Variants in ALK observed in about 807,000 individuals in gnomAD.
ALK encodes ALK tyrosine kinase receptor.
ALK carries 74 observed loss-of-function variants against 163.1 expected under a neutral mutation model. That is an observed-to-expected ratio of 0.45 (90% CI 0.38 to 0.55). The LOEUF (loss-of-function observed/expected upper bound fraction) is 0.55. Among genes scored for constraint, ALK ranks in the 20% least tolerant of loss-of-function variants. The pLI, the probability that ALK is intolerant of heterozygous loss-of-function variation, is 0.00. For synonymous variants in ALK, 960 were observed against 843.2 expected, an observed-to-expected ratio of 1.14 and a Z score of -2.40; for missense variants, 2,063 against 2,105.3, an observed-to-expected ratio of 0.98 and a Z score of 0.39.
chr2:29,534,798 A>G (rs1236673026), intron 3 of ALK, among the ~76,000 whole-genome samples: 1 of 152,052 alleles, frequency 6.6e-6, no homozygotes, highest in Non-Finnish European at 1.5e-5. Flanking sequence ...CATGCATGTA[A>G]ATTCTGTCCC....
intron 1 of ALK, among the ~76,000 whole-genome samples, chr2:29,812,521 T>A (rs1664783162): frequency 6.6e-6 from 1 of 152,180 alleles, no homozygotes; most frequent in Admixed American, 6.5e-5. Flanking sequence ...CCACTCACCC[T>A]AAGAATTTAC....
chr2:29,207,423 A>G, intron 25 of ALK, 151 bp from the exon 26 acceptor site: 1 of 699,982 alleles, frequency 1.4e-6, no homozygotes, highest in Non-Finnish European at 2.6e-6. Flanking sequence ...GGAGGAGAGC[A>G]GGGGCACACA....
chr2:29,432,755 A>T lies in ALK; in HGVS notation c.1155-48896T>A, dbSNP rs1250387718. On this transcript the variant is annotated intron_variant, in intron 4 of 28. Coordinates refer to ENST00000389048, the MANE Select transcript of ALK (RefSeq NM_004304.5). ...CCTTTTCCTTTTTTTTTTTTTTTTT[A>T]AACCGATGGATCCATTGCGCATCAA... 6.0e-5 allele frequency among the ~76,000 whole-genome samples: 8 copies of T among 133,282 alleles called. 1 individual carries two copies. Among genetic ancestry groups the T allele is most frequent in the Admixed American group, 3.7e-4 (5 of 13,518 alleles). 87.4% of individuals were successfully genotyped at this position (133,282 alleles called of 152,430 possible).
chr2:29,851,754 C>T (rs540885213), intron 1 of ALK, among the ~76,000 whole-genome samples: 8 of 152,330 alleles, frequency 5.3e-5, no homozygotes, highest in Middle Eastern at 3.4e-3. Context: ...AGGGGCCTGG[C>T]GGAATACATG....
chr2:29,343,381 A>AG (rs1271360829), intron 5 of ALK, among the ~76,000 whole-genome samples: 3 of 150,326 alleles, frequency 2.0e-5, no homozygotes, highest in Non-Finnish European at 3.0e-5. Context: ...GCTAAGTAAA[A>AG]AAAAAAAAAA....
intron 1 of ALK, among the ~76,000 whole-genome samples, chr2:29,833,709 G>C (rs1439768867): frequency 6.6e-6 from 1 of 152,216 alleles, no homozygotes; most frequent in Non-Finnish European, 1.5e-5. Flanking sequence ...CACAGATGTA[G>C]AATTTACTCA....
At chr2:29,285,282 G>A (rs1665823567) in intron 9 of ALK, among the ~76,000 whole-genome samples, 1 of 151,988 alleles carries the variant, frequency 6.6e-6, no homozygotes, top group Non-Finnish European at 1.5e-5. Flanking sequence ...TTGAGACAGA[G>A]TCTAGCTCTG....
At chr2:29,410,049 G>A (rs1468717889) in intron 4 of ALK, among the ~76,000 whole-genome samples, 5 of 152,084 alleles carry the variant, frequency 3.3e-5, no homozygotes, top group Admixed American at 3.3e-4. Context: ...ACCCTTAGAA[G>A]GTTCAGTCAC....
chr2:29,856,509 T>G (rs1167267051), intron 1 of ALK, among the ~76,000 whole-genome samples: 1 of 152,240 alleles, frequency 6.6e-6, no homozygotes, highest in Non-Finnish European at 1.5e-5. Flanking sequence ...AAAATAAGTC[T>G]GAGGCTGAGT....
intron 1 of ALK, among the ~76,000 whole-genome samples, chr2:29,746,543 G>GT (rs1680211931): frequency 6.6e-6 from 1 of 152,204 alleles, no homozygotes; most frequent in Non-Finnish European, 1.5e-5. Flanking sequence ...TAAGTTCTCA[G>GT]TTTTCTACCC....
intron 4 of ALK, among the ~76,000 whole-genome samples, chr2:29,528,588 T>A (rs536309775): frequency 2.8e-4 from 43 of 152,266 alleles, no homozygotes; most frequent in Non-Finnish European, 1.5e-4. Context: ...GACCTTGTTG[T>A]CTTTGGCTGT....
At chr2:29,287,894 C>G (rs941189613) in intron 9 of ALK, among the ~76,000 whole-genome samples, 1 of 152,068 alleles carries the variant, frequency 6.6e-6, no homozygotes, top group South Asian at 2.1e-4. Flanking sequence ...TAATTTCACA[C>G]GAGCAGGAAA....
At chr2:29,672,007 A>G (rs1303738572) in intron 3 of ALK, among the ~76,000 whole-genome samples, 1 of 151,774 alleles carries the variant, frequency 6.6e-6, no homozygotes, top group Non-Finnish European at 1.5e-5. Flanking sequence ...TACTCTCCAA[A>G]AGTAATTGGC....
chr2:29,730,970 A>G (rs1302318943), intron 1 of ALK, among the ~76,000 whole-genome samples: 1 of 152,220 alleles, frequency 6.6e-6, no homozygotes, highest in African/African-American at 2.4e-5. Context: ...CTACATGACA[A>G]TAGAGACGTT....
At chr2:29,297,559 T>G (rs946307413) in intron 8 of ALK, among the ~76,000 whole-genome samples, 1 of 152,242 alleles carries the variant, frequency 6.6e-6, no homozygotes, top group Non-Finnish European at 1.5e-5. Context: ...TCATGTCACA[T>G]GTCAGCTAAC....
rs773367495 is a variant in ALK at position 29,532,002 on chromosome 2, T to C, written c.1067A>G (p.Gln356Arg). Residue 356 changes from glutamine to arginine, a missense_variant, in exon 4 of 29, where the codon CAG becomes CGG. Transcript: ENST00000389048. ...CTGGGCAATGTACCTTCCAGAGGGC[T>C]GCAGGTGCCTGTGCACCGAGACGGC... is the stretch of plus-strand genomic sequence containing the variant. ...TLAVSVHRHL[Q>R]PSGRYIAQLL... 12 of 1,614,092 alleles carry C rather than the reference T, an allele frequency of 7.4e-6. No homozygotes were observed. In the Admixed American group the frequency reaches 2.0e-4, roughly 27 times the overall value.
At chr2:29,426,911 G>A (rs973897880) in intron 4 of ALK, among the ~76,000 whole-genome samples, 6 of 151,382 alleles carry the variant, frequency 4.0e-5, no homozygotes, top group East Asian at 3.9e-4. Flanking sequence ...AGTGGGGTGC[G>A]CCTGTAGTCC....
chr2:29,743,491 AAGG>A (rs773013282), intron 1 of ALK, among the ~76,000 whole-genome samples: 1 of 152,204 alleles, frequency 6.6e-6, no homozygotes, highest in Non-Finnish European at 1.5e-5. Context: ...TCCACAAAGG[AAGG>A]AGATGAGAAC....
intron 9 of ALK, among the ~76,000 whole-genome samples, chr2:29,288,963 T>A (rs201368656): frequency 0.41 from 7,874 of 19,304 alleles, 1,662 homozygotes; most frequent in Middle Eastern, 0.71. Context: ...AAAAAATAAA[T>A]AAATAAATAA....
Sources: allele counts gnomAD v4.1 joint callset (sites outside exome capture counted in the v4.1 genomes callset), GRCh38; gene constraint gnomAD v4.1.1; transcripts MANE v1.5; gene names NCBI Gene and HGNC (gene_info 2026-07-23, HGNC 2026-07-21).